Variants in DNAH12 observed in about 807,000 individuals in gnomAD.
DNAH12 encodes the protein dynein axonemal heavy chain 12, also known as axonemal beta dynein heavy chain 12.
DNAH12 carries 285 observed loss-of-function variants against 371.5 expected under a neutral mutation model. The observed-to-expected ratio is 0.77, with a 90% confidence interval of 0.70 to 0.85. DNAH12 has a LOEUF of 0.85. Among genes scored for constraint, DNAH12 ranks in the 40% least tolerant of loss-of-function variants. The pLI, the probability that DNAH12 is intolerant of heterozygous loss-of-function variation, is 0.00. For missense variants in DNAH12, 3,611 were observed against 3,689.4 expected (o/e 0.98, Z 0.55); for synonymous variants, 1,200 against 1,213.0 (o/e 0.99, Z 0.22).
At position 57,446,204 on chromosome 3, in the gene DNAH12, C is replaced by A; in HGVS notation, c.4006G>T (p.Glu1336Ter). The change falls in exon 27 of 74, where the codon GAA becomes TAA. Residue 1336 changes from glutamate (E) to a stop codon, truncating the protein, a stop_gained. Coordinates refer to ENST00000495027, the MANE Select transcript of DNAH12 (RefSeq NM_001366028.2). LOFTEE classifies it high-confidence loss of function. Reference sequence around the variant, plus strand: ...TGTTGAGCTACCACTGACAACACTTCCAACTCAATTCGATTGAATTCATCA... The same window carrying A: ...TGTTGAGCTACCACTGACAACACTTACAACTCAATTCGATTGAATTCATCA... The part of the protein sequence containing the change: ...CFDEFNRIEL[E>*]VLSVVAQQIL... 1 of 1,551,798 alleles carries A rather than the reference C, an allele frequency of 6.4e-7. No homozygotes were observed. The highest frequency in any genetic ancestry group is 1.4e-5 in the African/African-American group (1 of 73,134).
At chr3:57,453,523 G>T in intron 23 of DNAH12, 120 bp from the exon 24 acceptor site, 1 of 878,530 alleles carries the variant, frequency 1.1e-6, no homozygotes, top group Non-Finnish European at 1.6e-6. Flanking sequence ...ATATAGAAAT[G>T]AGTTCAAGCG....
chr3:57,321,617 T>C (rs1385332467), intron 65 of DNAH12, among the ~76,000 whole-genome samples: 2 of 152,182 alleles, frequency 1.3e-5, no homozygotes, highest in Non-Finnish European at 2.9e-5. Context: ...GTGAGCTTCT[T>C]ACAGGGACCT....
At chr3:57,406,490 T>A (rs1282564927) in intron 40 of DNAH12, among the ~76,000 whole-genome samples, 3 of 152,168 alleles carry the variant, frequency 2.0e-5, no homozygotes, top group African/African-American at 7.2e-5. Flanking sequence ...GAACTTAATA[T>A]CCGATTCCAT....
intron 30 of DNAH12, among the ~76,000 whole-genome samples, chr3:57,434,588 C>CATA (rs1182138511): frequency 5.3e-5 from 8 of 151,746 alleles, no homozygotes; most frequent in Admixed American, 1.3e-4. Flanking sequence ...ATATTCTTGC[C>CATA]ATAATAATAA....
rs1475248859 is a variant in DNAH12 at position 57,462,755 on chromosome 3, C to G, written c.2470G>C (p.Val824Leu). The G allele has an allele frequency of 6.4e-7, 1 of 1,551,454 alleles. No homozygotes were observed. Residue 824 changes from valine to leucine, a missense_variant, in exon 18 of 74, where the codon GTT becomes CTT. Physicochemically the swap from Val to Leu is conservative, Grantham distance 32 (BLOSUM62 1). Around this residue, in one of 3 missense-constraint regions of DNAH12, gnomAD observed 1,314 missense variants for 1,398.7 expected, o/e 0.94. Coordinates refer to ENST00000495027, the MANE Select transcript of DNAH12 (RefSeq NM_001366028.2). ...TATGGGGTAAGGTTTAATTTTAAAA[C>G]TTTTCTCAGTGTAGTTCCAGAGTCT... ...TPDSGTTLRK[V>L]LKLNLTPYLE... is the part of the protein sequence containing the mutation.
intron 62 of DNAH12, among the ~76,000 whole-genome samples, chr3:57,326,000 G>C (rs552820394): frequency 6.6e-6 from 1 of 152,194 alleles, no homozygotes; most frequent in African/African-American, 2.4e-5. Flanking sequence ...GAGAAGGGAA[G>C]TTTAGAGAAA....
At chr3:57,419,332 C>T (rs1476914990) in intron 37 of DNAH12, 35 bp downstream of exon 37, 24 of 1,465,178 alleles carry the variant, frequency 1.6e-5, no homozygotes, top group Non-Finnish European at 2.1e-5. Context: ...GGTACTTTTA[C>T]ATTCAAAATG....
chr3:57,300,590 AG>A (rs2107651063), intron 70 of DNAH12, among the ~76,000 whole-genome samples: 1 of 152,284 alleles, frequency 6.6e-6, no homozygotes, highest in African/African-American at 2.4e-5. Context: ...TAGGCTCACT[AG>A]TCATTAAAGA....
At chr3:57,320,603 A>G (rs573025841) in intron 65 of DNAH12, among the ~76,000 whole-genome samples, 7 of 138,838 alleles carry the variant, frequency 5.0e-5, no homozygotes, top group South Asian at 4.9e-4. Context: ...TGGAATTTCA[A>G]TATGTCTACA....
At position 57,357,285 on chromosome 3, in the gene DNAH12, G is replaced by A. The variant is rs2062821550; in HGVS notation, c.9424C>T (p.His3142Tyr). Residue 3142 changes from histidine to tyrosine, a missense_variant, in exon 59 of 74, where the codon CAC (histidine) becomes TAC (tyrosine). Physicochemically the swap from His to Tyr is moderately conservative, Grantham distance 83. This residue lies in a region of DNAH12 where 2,266 missense variants were observed against 2,236.9 expected (regional missense o/e 1.01). Transcript: ENST00000495027. ...ATGCTAAAGAATAACACTGACGAGT[G>A]TTTGGCGATGGGTCTATAGCCTTCT... ...SREGYRPIAK[H>Y]SSVLFFSIAD... 1 of 152,152 alleles carries A rather than the reference G, an allele frequency of 6.6e-6. No homozygotes were observed. The highest frequency in any genetic ancestry group is 1.5e-5 in the Non-Finnish European group (1 of 68,026). 9.4% of individuals were successfully genotyped at this position (152,152 alleles called of 1,614,324 possible).
At chr3:57,361,827 A>G (rs2062943280) in intron 58 of DNAH12, among the ~76,000 whole-genome samples, 1 of 152,062 alleles carries the variant, frequency 6.6e-6, no homozygotes, top group Non-Finnish European at 1.5e-5. Flanking sequence ...CCAATCCAAT[A>G]ATAATAACTT....
chr3:57,489,597 A>C lies in DNAH12; in HGVS notation c.1426T>G (p.Leu476Val). Residue 476 changes from leucine to valine, a missense_variant, in exon 12 of 74, where the codon TTG becomes GTG. By Grantham distance (32) the Leu-to-Val change is conservative (BLOSUM62 1). This residue lies in a region of DNAH12 where 1,314 missense variants were observed against 1,398.7 expected (regional missense o/e 0.94). Coordinates refer to ENST00000495027, the MANE Select transcript of DNAH12 (RefSeq NM_001366028.2). Reference protein sequence around the residue: ...YTMVRLDCEDLKTGLTNKAKA... With the variant: ...YTMVRLDCEDVKTGLTNKAKA... Reference sequence around the variant, plus strand: ...GCTTTATTTGTCAGGCCTGTCTTCAAATCTTCACAATCCAAACGCACCATA... The same window carrying C: ...GCTTTATTTGTCAGGCCTGTCTTCACATCTTCACAATCCAAACGCACCATA... The C allele has an allele frequency of 6.5e-7, 1 of 1,543,498 alleles. No homozygotes were observed. The highest frequency in any genetic ancestry group is 8.7e-7 in the Non-Finnish European group (1 of 1,144,552).
rs774199459 is a variant in DNAH12, at chr3:57,523,596, A to G, written c.266T>C (p.Met89Thr). 5.1e-6 allele frequency: 8 copies of G among 1,576,732 alleles called. No individual in the cohort carries two copies. The highest frequency in any genetic ancestry group is 6.9e-6 in the Non-Finnish European group (8 of 1,163,330). The change falls in exon 4 of 74, where the codon ATG becomes ACG. Residue 89 changes from methionine (M) to threonine (T), a missense_variant. Transcript: ENST00000495027. ...PDYPQTMTSEMKKKGFNYIYM... is the reference protein window; with the variant it reads ...PDYPQTMTSETKKKGFNYIYM... ...ACTTGAACTCACTCCTTTTTTTTTC[A>G]TTTCACTGGTCATCTGTCAAAAACA...
intron 34 of DNAH12, among the ~76,000 whole-genome samples, chr3:57,428,094 A>T: frequency 6.6e-6 from 1 of 152,030 alleles, no homozygotes; most frequent in Middle Eastern, 3.4e-3. Context: ...ATGCCCGGCT[A>T]ATTTTTATAT....
intron 34 of DNAH12, among the ~76,000 whole-genome samples, chr3:57,426,767 T>C (rs2064782403): frequency 1.3e-5 from 2 of 149,618 alleles, no homozygotes; most frequent in Admixed American, 1.3e-4. Flanking sequence ...GAGAATCACT[T>C]GAACCTGAAA....
chr3:57,508,079 C>T (rs1489041557), intron 7 of DNAH12, among the ~76,000 whole-genome samples: 5 of 150,798 alleles, frequency 3.3e-5, no homozygotes, highest in Non-Finnish European at 7.4e-5. Flanking sequence ...CCCAGCTACT[C>T]GGAAGGCTGA....
upstream of DNAH12, among the ~76,000 whole-genome samples, chr3:57,545,404 C>A (rs6793246): frequency 0.39 from 58,891 of 151,076 alleles, 12,833 homozygotes; most frequent in South Asian, 0.57. Flanking sequence ...GGTCATCCGC[C>A]CACCTCGGCC....
chr3:57,496,568 A>G (rs1354307073), intron 11 of DNAH12, among the ~76,000 whole-genome samples: 4 of 152,222 alleles, frequency 2.6e-5, no homozygotes, highest in African/African-American at 9.6e-5. Context: ...AATGTATTTA[A>G]TGACGAAAAT....
intron 64 of DNAH12, 42 bp from the exon 65 acceptor site, chr3:57,322,525 T>C: frequency 6.5e-7 from 1 of 1,531,832 alleles, no homozygotes; most frequent in Non-Finnish European, 8.8e-7. Context: ...AGATAGCAAG[T>C]GGAGGCTCTA....
Sources: allele counts gnomAD v4.1 joint callset (sites outside exome capture counted in the v4.1 genomes callset), GRCh38; gene constraint gnomAD v4.1.1; regional missense constraint gnomAD v4.1.1; transcripts MANE v1.5; gene names NCBI Gene and HGNC (gene_info 2026-07-23, HGNC 2026-07-21).